The following MED23 variants were observed in gnomAD, a reference collection of about 807,000 sequenced individuals.
The protein encoded by MED23 is mediator complex subunit 23.
A neutral mutation model predicts 163.9 loss-of-function variants in MED23; 105 were observed. That is an observed-to-expected ratio of 0.64 (90% CI 0.55 to 0.75). The LOEUF (loss-of-function observed/expected upper bound fraction) is 0.75, where lower values mean the gene tolerates loss of function less well. MED23 is among the 30% of genes least tolerant of loss of function. The pLI is 0.00. For synonymous variants in MED23, 561 were observed against 565.6 expected (o/e 0.99, Z 0.12); for missense variants, 1,054 against 1,649.0 (o/e 0.64, Z 6.25).
At chr6:131,618,369 C>T in intron 9 of MED23, 38 bp downstream of exon 9, 1 of 1,354,442 alleles carries the variant, frequency 7.4e-7, no homozygotes, top group Non-Finnish European at 1.1e-6. Flanking sequence ...TGAAGACTGT[C>T]AGATGGACTA....
downstream of MED23, chr6:131,582,627 G>A (rs751647696): frequency 8.1e-5 from 131 of 1,613,168 alleles, no homozygotes; most frequent in African/African-American, 3.2e-4. Flanking sequence ...TTAGATTCCC[G>A]ATGTGCCAGG....
chr6:131,576,605 C>T (rs1773623612), intron 30 of MED23: 4 of 1,483,044 alleles, frequency 2.7e-6, no homozygotes, highest in Admixed American at 1.7e-5. Flanking sequence ...AGGGTTCCTG[C>T]TGTGAGCATC....
At position 131,604,372 on chromosome 6, in the gene MED23, A is replaced by G. The variant is rs758911330; in HGVS notation, c.1614-52T>C. 7 of 1,562,964 alleles carry G rather than the reference A, an allele frequency of 4.5e-6. No homozygotes were observed. In the East Asian group the frequency reaches 6.8e-5, roughly 15 times the overall value. On this transcript the variant is annotated intron_variant, in intron 14 of 28. Coordinates refer to ENST00000368068, the MANE Select transcript of MED23 (RefSeq NM_004830.4). Reference sequence around the variant, plus strand: ...AAAAATCCATATTTTTGACATAAACATAGGGGCTACTCTACTTAGAAGTAA... The same window carrying G: ...AAAAATCCATATTTTTGACATAAACGTAGGGGCTACTCTACTTAGAAGTAA...
Position 131,576,692 on chromosome 6 carries a change from A to G in MED23, c.4096-2397T>C, listed in dbSNP as rs1373647667. ...GAGGAGGGGTGGAAGAAGGCCCTACAGTATTGAGAAAGGCTGGTCTGCTTG... is the reference window on the plus strand; with the variant it reads ...GAGGAGGGGTGGAAGAAGGCCCTACGGTATTGAGAAAGGCTGGTCTGCTTG... On this transcript the variant is annotated intron_variant, in intron 30 of 30. Coordinates refer to the MED23 transcript ENST00000354577. 1.2e-6 allele frequency: 2 copies of G among 1,614,144 alleles called. No homozygotes were observed. Among genetic ancestry groups the G allele is most frequent in the Non-Finnish European group, 8.5e-7 (1 of 1,179,982 alleles).
In MED23 at chr6:131,575,541, G is replaced by T. The variant is rs1189639259; in HGVS notation, c.4096-1246C>A. Among the ~76,000 whole-genome samples the T allele has an allele frequency of 2.0e-5, 3 of 152,228 alleles. No homozygotes were observed. In the East Asian group the frequency reaches 5.8e-4, roughly 29 times the overall value. Reference sequence around the variant, plus strand: ...GCCAGGGACAGGAATTTAACATCAAGGATTTGCCTGGCACCCAGGGCAAGT... The same window carrying T: ...GCCAGGGACAGGAATTTAACATCAATGATTTGCCTGGCACCCAGGGCAAGT... On this transcript the variant is annotated intron_variant, in intron 30 of 30. Coordinates refer to the MED23 transcript ENST00000354577.
intron 11 of MED23, 36 bp from the exon 12 acceptor site, chr6:131,608,107 CTACT>C (rs1443202928): frequency 6.2e-7 from 1 of 1,609,962 alleles, no homozygotes; most frequent in Admixed American, 1.7e-5. Context: ...GTATACACTG[CTACT>C]TAAAGAGATG....
intron 22 of MED23, among the ~76,000 whole-genome samples, 185 bp from the exon 23 acceptor site, chr6:131,594,520 C>G (rs1214168824): frequency 6.6e-6 from 1 of 152,122 alleles, no homozygotes; most frequent in Non-Finnish European, 1.5e-5. Flanking sequence ...CAGAATGTTT[C>G]TAGTAATATA....
downstream of MED23, chr6:131,582,967 A>G: frequency 2.1e-6 from 2 of 931,512 alleles, no homozygotes; most frequent in Non-Finnish European, 3.3e-6. Flanking sequence ...TAAATGTTTT[A>G]TATATTTTAC....
intron 10 of MED23, among the ~76,000 whole-genome samples, chr6:131,613,925 A>G (rs1387329964): frequency 6.6e-6 from 1 of 152,130 alleles, no homozygotes; most frequent in African/African-American, 2.4e-5. Context: ...TATCTGGGGG[A>G]GGGTATTTGC....
rs1777655429 is a variant in MED23, at chr6:131,628,111, G to A, written c.-62C>T. 1 of 1,582,692 alleles carries A rather than the reference G, an allele frequency of 6.3e-7. No individual in the cohort carries two copies. Among genetic ancestry groups the A allele is most frequent in the South Asian group, 1.1e-5 (1 of 90,574 alleles). ...AAGGCCCGGATCAGACTCGAGCTCT[G>A]GGAATATAGGGGCAGAGGGGCGGAG... On this transcript the variant is annotated 5_prime_UTR_variant, in exon 1 of 29. Coordinates refer to ENST00000368068, the MANE Select transcript of MED23 (RefSeq NM_004830.4).
intron 27 of MED23, 82 bp downstream of exon 27, chr6:131,590,240 A>T (rs1774499412): frequency 1.5e-6 from 2 of 1,292,008 alleles, no homozygotes; most frequent in Non-Finnish European, 2.2e-6. Context: ...TGTGACCTGC[A>T]GTTTCAATAA....
At chr6:131,607,202 G>A (rs1421690714) in intron 12 of MED23, among the ~76,000 whole-genome samples, 2 of 151,350 alleles carry the variant, frequency 1.3e-5, no homozygotes, top group African/African-American at 4.9e-5. Flanking sequence ...ATAACATGGT[G>A]GGGTTACAGC....
At chr6:131,616,113 T>G (rs1776670204) in intron 9 of MED23, 111 bp from the exon 10 acceptor site, 1 of 833,006 alleles carries the variant, frequency 1.2e-6, no homozygotes, top group South Asian at 1.4e-5. Flanking sequence ...CTTCACAGAG[T>G]AGGCAGTATC....
intron 9 of MED23, 127 bp from the exon 10 acceptor site, chr6:131,616,129 G>A: frequency 1.3e-6 from 1 of 751,396 alleles, no homozygotes; most frequent in Non-Finnish European, 2.3e-6. Context: ...GTATCTAGTG[G>A]GAAAAAAATC....
At chr6:131,588,505 A>T (rs182643085) in intron 28 of MED23, among the ~76,000 whole-genome samples, 2 of 152,272 alleles carry the variant, frequency 1.3e-5, no homozygotes, top group African/African-American at 4.8e-5. Flanking sequence ...ACTTTTTTTA[A>T]AAAAACAAAC....
chr6:131,581,480 TA>T, intron 30 of MED23: 1 of 1,336,278 alleles, frequency 7.5e-7, no homozygotes, highest in Non-Finnish European at 1.0e-6. Flanking sequence ...ATTCTTGGTG[TA>T]ATCTCAAATC....
downstream of MED23, among the ~76,000 whole-genome samples, chr6:131,585,219 G>C (rs1193431829): frequency 6.6e-6 from 1 of 152,022 alleles, no homozygotes; most frequent in Non-Finnish European, 1.5e-5. Flanking sequence ...TAAGGAAAAT[G>C]GAAAAAACAA....
At chr6:131,583,636 C>T (rs1283974273), downstream of MED23, 24 of 1,514,532 alleles carry the variant, frequency 1.6e-5, no homozygotes, top group African/African-American at 1.8e-4. Context: ...TGTTTTCCAT[C>T]GGTTACTACC....
rs570943407 is a variant in MED23, at chr6:131,611,484, G to A, written c.877-1238C>T. Among the ~76,000 whole-genome samples the A allele has an allele frequency of 2.0e-5, 3 of 152,260 alleles. No individual in the cohort carries two copies. The South Asian group carries it at 6.2e-4, about 32-fold the overall frequency. On this transcript the variant is annotated intron_variant, in intron 10 of 28. Coordinates refer to ENST00000368068, the MANE Select transcript of MED23 (RefSeq NM_004830.4). ...ACAAATAGCAATATTAACACCACCA[G>A]TTGAGACTACAGTACTTTTCCTCCA...
Sources: allele counts gnomAD v4.1 joint callset (sites outside exome capture counted in the v4.1 genomes callset), GRCh38; gene constraint gnomAD v4.1.1; transcripts MANE v1.5; gene names NCBI Gene and HGNC (gene_info 2026-07-23, HGNC 2026-07-21).